Variants in RPS6KC1 observed in about 807,000 individuals in gnomAD.
RPS6KC1 encodes inactive ribosomal protein S6 kinase delta-1.
A neutral mutation model predicts 103.8 loss-of-function variants in RPS6KC1; 54 were observed. The observed-to-expected ratio is 0.52, with a 90% CI of 0.42 to 0.65. The LOEUF is 0.65. Among genes scored for constraint, RPS6KC1 ranks in the 30% least tolerant of loss-of-function variants. The pLI is 0.00. For missense variants in RPS6KC1, 1,151 were observed against 1,253.8 expected (o/e 0.92, Z 1.24); for synonymous variants, 439 against 438.7 (o/e 1.00, Z -0.01).
chr1:213,443,199 G>A, the RPS6KC1 span, among the ~76,000 whole-genome samples: 5,729 of 152,250 alleles, frequency 0.038, 151 homozygotes, highest in Non-Finnish European at 0.059. Flanking sequence ...AGGCTATGAC[G>A]ATGGCAGAGC....
At chr1:213,079,350 T>C (rs2079645333) in intron 3 of RPS6KC1, among the ~76,000 whole-genome samples, 1 of 152,186 alleles carries the variant, frequency 6.6e-6, no homozygotes. Context: ...AGACTTTTGA[T>C]GCATATTGTC....
At chr1:213,280,986 G>C in the RPS6KC1 span, among the ~76,000 whole-genome samples, 1 of 152,072 alleles carries the variant, frequency 6.6e-6, no homozygotes, top group Non-Finnish European at 1.5e-5. Context: ...CTTTCTTCCA[G>C]TGGTGGGCAG....
intron 4 of RPS6KC1, among the ~76,000 whole-genome samples, chr1:213,108,548 G>A (rs2082706438): frequency 6.6e-6 from 1 of 151,590 alleles, no homozygotes; most frequent in African/African-American, 2.4e-5. Flanking sequence ...AAATTGTTAT[G>A]GCAATTTTGA....
At chr1:213,819,939 G>A in the RPS6KC1 span, 2 of 152,086 alleles carry the variant, frequency 1.3e-5, no homozygotes, top group Admixed American at 1.3e-4. Flanking sequence ...AACTACCTTG[G>A]GGTGGGGGTG....
chr1:213,491,358 G>A, the RPS6KC1 span, among the ~76,000 whole-genome samples: 2 of 152,102 alleles, frequency 1.3e-5, no homozygotes, highest in Non-Finnish European at 2.9e-5. Flanking sequence ...GACCAGCCTG[G>A]CCAACACGGT....
At chr1:213,117,990 C>G (rs1163856268) in intron 5 of RPS6KC1, among the ~76,000 whole-genome samples, 1 of 79,128 alleles carries the variant, frequency 1.3e-5, no homozygotes, top group Non-Finnish European at 2.5e-5. Flanking sequence ...CCACTGCACT[C>G]TAGCCTGGAC....
At chr1:213,345,734 G>A in the RPS6KC1 span, among the ~76,000 whole-genome samples, 1 of 152,156 alleles carries the variant, frequency 6.6e-6, no homozygotes, top group South Asian at 2.1e-4. Context: ...CATCTGAGGT[G>A]GCTTAAAACT....
At chr1:213,781,770 G>A in the RPS6KC1 span, among the ~76,000 whole-genome samples, 4 of 152,266 alleles carry the variant, frequency 2.6e-5, no homozygotes, top group East Asian at 7.7e-4. Context: ...CTTAGTTGAG[G>A]TGTGGTCAGG....
chr1:213,170,177 A>G (rs2091361572), intron 7 of RPS6KC1, among the ~76,000 whole-genome samples: 1 of 152,194 alleles, frequency 6.6e-6, no homozygotes, highest in Admixed American at 6.5e-5. Flanking sequence ...TATTCATGTA[A>G]TCCTCCTACT....
intron 10 of RPS6KC1, among the ~76,000 whole-genome samples, chr1:213,238,630 T>C (rs1010707448): frequency 6.6e-6 from 1 of 152,190 alleles, no homozygotes; most frequent in Non-Finnish European, 1.5e-5. Context: ...TTTAAGTACA[T>C]TGAATTTTAG....
intron 8 of RPS6KC1, among the ~76,000 whole-genome samples, chr1:213,219,155 C>T (rs1191730997): frequency 6.6e-6 from 1 of 152,156 alleles, no homozygotes; most frequent in African/African-American, 2.4e-5. Context: ...TGAACTCCAA[C>T]AAATTTACAA....
At chr1:213,811,440 G>A in the RPS6KC1 span, among the ~76,000 whole-genome samples, 2 of 152,158 alleles carry the variant, frequency 1.3e-5, no homozygotes, top group Non-Finnish European at 2.9e-5. Flanking sequence ...CTCAATGAAT[G>A]TTCATCAAAA....
the RPS6KC1 span, among the ~76,000 whole-genome samples, chr1:213,483,507 T>C: frequency 7.9e-5 from 12 of 152,338 alleles, no homozygotes; most frequent in Admixed American, 2.6e-4. Context: ...AGTTTTGAAA[T>C]TGATGATTCA....
At position 213,232,155 on chromosome 1, in the gene RPS6KC1, C is replaced by G; in HGVS notation, c.1125C>G (p.Asn375Lys). The change falls in exon 10 of 15, where the codon AAC (asparagine) becomes AAG (lysine). Residue 375 changes from asparagine (N) to lysine (K), a missense_variant. Asn to Lys is a moderately conservative substitution (Grantham distance 94). This residue lies in a region of RPS6KC1 where 959 missense variants were observed against 1,006.3 expected (regional missense o/e 0.95). Coordinates refer to ENST00000366960, the MANE Select transcript of RPS6KC1 (RefSeq NM_012424.6). ...GLRKSSEYSR[N>K]RKTIIPRCVP... Reference sequence around the variant, plus strand: ...GGAAAAGCAGTGAATACAGCAGGAACAGAAAGACCATCATCCCCCGCTGTG... The same window carrying G: ...GGAAAAGCAGTGAATACAGCAGGAAGAGAAAGACCATCATCCCCCGCTGTG... 6.2e-7 allele frequency: 1 copy of G among 1,613,960 alleles called. No homozygotes were observed. Among genetic ancestry groups the G allele is most frequent in the Non-Finnish European group, 8.5e-7 (1 of 1,179,898 alleles).
the RPS6KC1 span, among the ~76,000 whole-genome samples, chr1:213,419,850 C>T: frequency 6.6e-6 from 1 of 152,206 alleles, no homozygotes; most frequent in African/African-American, 2.4e-5. Flanking sequence ...ATGGGTTTGG[C>T]TGTCCTTGGC....
chr1:213,372,854 G>T, the RPS6KC1 span, among the ~76,000 whole-genome samples: 1 of 151,772 alleles, frequency 6.6e-6, no homozygotes, highest in South Asian at 2.1e-4. Flanking sequence ...AATATAGAAG[G>T]ATAGATATAC....
chr1:213,290,336 T>C, the RPS6KC1 span, among the ~76,000 whole-genome samples: 3 of 152,118 alleles, frequency 2.0e-5, no homozygotes, highest in Admixed American at 6.5e-5. Context: ...GAGATGCACA[T>C]TGGTACTTAA....
chr1:213,412,511 G>A, the RPS6KC1 span, among the ~76,000 whole-genome samples: 1 of 152,200 alleles, frequency 6.6e-6, no homozygotes, highest in African/African-American at 2.4e-5. Context: ...CTGCTTAGGG[G>A]CAATTCACAC....
At chr1:213,071,807 T>C (rs747931873) in intron 2 of RPS6KC1, among the ~76,000 whole-genome samples, 5 of 150,018 alleles carry the variant, frequency 3.3e-5, no homozygotes, top group Non-Finnish European at 7.4e-5. Flanking sequence ...CATAGATATT[T>C]CTTTTTTTTT....
Sources: gnomAD v4.1 joint callset for allele counts (sites outside exome capture counted in the v4.1 genomes callset) on GRCh38, gnomAD v4.1.1 for gene constraint, gnomAD v4.1.1 regional missense constraint, MANE v1.5 for transcripts, NCBI Gene and HGNC (gene_info 2026-07-23, HGNC 2026-07-21) for gene names.